Variants in ANO10 observed in about 807,000 individuals in gnomAD.
ANO10 encodes the protein anoctamin 10.
Under a neutral mutation model 74.7 loss-of-function variants are expected in ANO10, and 77 were observed. The observed-to-expected ratio is 1.03, with a 90% CI of 0.86 to 1.25. ANO10 has a LOEUF of 1.25. Among genes scored for constraint, ANO10 ranks in the 50% most tolerant of loss-of-function variants. The pLI, the probability that ANO10 is intolerant of heterozygous loss-of-function variation, is 0.00. For synonymous variants in ANO10, 279 were observed against 284.9 expected (o/e 0.98, Z 0.21); for missense variants, 721 against 778.1 (o/e 0.93, Z 0.87).
At chr3:43,588,737 A>G (rs2149440579) in intron 4 of ANO10, among the ~76,000 whole-genome samples, 1 of 152,348 alleles carries the variant, frequency 6.6e-6, no homozygotes, top group East Asian at 1.9e-4. Context: ...GGCTGAATTC[A>G]GCAACAACAA....
intron 12 of ANO10, among the ~76,000 whole-genome samples, chr3:43,411,757 G>A (rs1413236560): frequency 6.6e-6 from 1 of 152,132 alleles, no homozygotes; most frequent in Non-Finnish European, 1.5e-5. Flanking sequence ...GCCTCAGTCT[G>A]TATTTTGGGG....
intron 1 of ANO10, among the ~76,000 whole-genome samples, chr3:43,613,201 A>C (rs1442253062): frequency 6.6e-6 from 1 of 152,154 alleles, no homozygotes; most frequent in African/African-American, 2.4e-5. Flanking sequence ...TTATACTCCA[A>C]ATGTATCAGG....
At chr3:43,666,965 T>C (rs1372228730) in intron 1 of ANO10, among the ~76,000 whole-genome samples, 1 of 96,508 alleles carries the variant, frequency 1.0e-5, no homozygotes, top group African/African-American at 4.4e-5. Flanking sequence ...TTAATCTACA[T>C]GTGTAATTAT....
At chr3:43,554,435 C>T (rs970774657) in intron 10 of ANO10, among the ~76,000 whole-genome samples, 27 of 152,030 alleles carry the variant, frequency 1.8e-4, no homozygotes, top group African/African-American at 3.6e-4. Flanking sequence ...TCAGGTAATC[C>T]GCCTGCCTCA....
intron 11 of ANO10, among the ~76,000 whole-genome samples, chr3:43,494,205 G>A (rs1335512636): frequency 1.3e-5 from 2 of 152,196 alleles, no homozygotes; most frequent in African/African-American, 4.8e-5. Context: ...TGTAATCTCA[G>A]CACTTTGGGA....
intron 1 of ANO10, among the ~76,000 whole-genome samples, chr3:43,672,392 G>T (rs2084070349): frequency 6.6e-6 from 1 of 151,986 alleles, no homozygotes; most frequent in Non-Finnish European, 1.5e-5. Flanking sequence ...AAATTAACCG[G>T]GCCTGGTGCA....
intron 11 of ANO10, among the ~76,000 whole-genome samples, chr3:43,444,546 A>T (rs756568680): frequency 9.9e-5 from 15 of 152,214 alleles, no homozygotes; most frequent in Non-Finnish European, 2.1e-4. Flanking sequence ...ATTTCATTCT[A>T]CTATATACTT....
chr3:43,565,852 C>G (rs2080295590), intron 7 of ANO10, 125 bp from the exon 8 acceptor site: 1 of 958,354 alleles, frequency 1.0e-6, no homozygotes, highest in Admixed American at 2.3e-5. Flanking sequence ...CGAATAGGAA[C>G]AGCTCCAGTC....
intron 4 of ANO10, among the ~76,000 whole-genome samples, chr3:43,589,019 C>T (rs1414569346): frequency 6.6e-6 from 1 of 152,060 alleles, no homozygotes; most frequent in African/African-American, 2.4e-5. Context: ...TATAAATTAA[C>T]TGTCAAATAC....
chr3:43,578,499 C>T (rs2081114228), intron 5 of ANO10, among the ~76,000 whole-genome samples: 1 of 152,122 alleles, frequency 6.6e-6, no homozygotes, highest in Non-Finnish European at 1.5e-5. Context: ...CCTATAATCC[C>T]AGCACTTTGG....
At chr3:43,367,023 T>C in intron 12 of ANO10, 49 bp from the exon 13 acceptor site, 8 of 1,534,116 alleles carry the variant, frequency 5.2e-6, no homozygotes, top group Non-Finnish European at 7.1e-6. Flanking sequence ...GCCTAAGTAG[T>C]GGCCGAGGCC....
chr3:43,578,032 A>G (rs2081094278), intron 5 of ANO10, among the ~76,000 whole-genome samples: 1 of 152,170 alleles, frequency 6.6e-6, no homozygotes, highest in South Asian at 2.1e-4. Flanking sequence ...CAGGGTGGGA[A>G]GCAGGGGGTG....
rs922441348 is a variant in ANO10, at chr3:43,639,822, T to C, written c.-11-33959A>G. Among the ~76,000 whole-genome samples the C allele has an allele frequency of 3.3e-5, 5 of 152,058 alleles. No individual in the cohort carries two copies. The South Asian group carries it at 1.0e-3, about 32-fold the overall frequency. On this transcript the variant is annotated intron_variant, in intron 1 of 3. Transcript: ENST00000413397. ...AAGAAAAAGAAAATGTAGACAATTC[T>C]GCCTTTTTAGAAAGTAGGACCTGGC...
chr3:43,648,587 C>T (rs2083751407), intron 1 of ANO10, among the ~76,000 whole-genome samples: 1 of 151,542 alleles, frequency 6.6e-6, no homozygotes. Flanking sequence ...TGTAAACTGT[C>T]ATGGTGCTGG....
intron 9 of ANO10, among the ~76,000 whole-genome samples, chr3:43,559,909 GGTGT>G (rs764383054): frequency 6.6e-6 from 1 of 152,134 alleles, no homozygotes; most frequent in Non-Finnish European, 1.5e-5. Flanking sequence ...AGACAGAGTA[GGTGT>G]GTGTCTTTTC....
chr3:43,374,115 G>A (rs1481432226), intron 12 of ANO10, among the ~76,000 whole-genome samples: 1 of 152,170 alleles, frequency 6.6e-6, no homozygotes, highest in Non-Finnish European at 1.5e-5. Context: ...TGGGGCTCAG[G>A]TCCATGGGTC....
Position 43,366,890 on chromosome 3 carries a change from T to G in ANO10, c.*16A>C, listed in dbSNP as rs1426411788. 5 of 1,574,694 alleles carry G rather than the reference T, an allele frequency of 3.2e-6. No individual in the cohort carries two copies. The highest frequency in any genetic ancestry group is 4.3e-6 in the Non-Finnish European group (5 of 1,159,742). On this transcript the variant is annotated 3_prime_UTR_variant, in exon 13 of 13. Coordinates refer to ENST00000292246, the MANE Select transcript of ANO10 (RefSeq NM_018075.5). ...CACAGGCCTCTGCCAACAGGGCAGC[T>G]GGGCACGCTGGGCACTCAGGTTGCC...
At chr3:43,411,123 A>T (rs2092658430) in intron 12 of ANO10, among the ~76,000 whole-genome samples, 1 of 152,140 alleles carries the variant, frequency 6.6e-6, no homozygotes, top group Admixed American at 6.5e-5. Flanking sequence ...CTTAGGCATT[A>T]TGTGTTTTGA....
intron 11 of ANO10, among the ~76,000 whole-genome samples, chr3:43,491,880 G>A (rs184122389): frequency 8.7e-4 from 132 of 152,158 alleles, no homozygotes; most frequent in African/African-American, 2.9e-3. Context: ...AATTTATTAC[G>A]TTTTTAAGTG....
Sources: gnomAD v4.1 joint callset for allele counts (sites outside exome capture counted in the v4.1 genomes callset) on GRCh38, gnomAD v4.1.1 for gene constraint, MANE v1.5 for transcripts, NCBI Gene and HGNC (gene_info 2026-07-23, HGNC 2026-07-21) for gene names.